PCM1: variants seen among roughly 807,000 people sequenced by gnomAD.
The protein encoded by PCM1 is pericentriolar material 1 protein.
In PCM1, 157 loss-of-function variants were observed where a neutral mutation model predicts 241.9. That is an observed-to-expected ratio of 0.65 (90% CI 0.57 to 0.74). The LOEUF is 0.74. PCM1 is among the 30% of genes least tolerant of loss of function. PCM1 has a pLI of 0.00. For missense variants in PCM1, 3,478 were observed against 2,360.1 expected (o/e 1.47, Z -9.81); for synonymous variants, 1,085 against 784.9 (o/e 1.38, Z -6.39).
At chr8:17,941,461 T>C (rs1466181374) in intron 6 of PCM1, among the ~76,000 whole-genome samples, 2 of 151,922 alleles carry the variant, frequency 1.3e-5, no homozygotes, top group Non-Finnish European at 2.9e-5. Context: ...AGCAACAGTC[T>C]AGTCTACAGA....
rs1257297733 is a variant in PCM1, at chr8:17,972,415, T to A, written c.3671T>A (p.Ile1224Asn). Residue 1224 changes from isoleucine (I) to asparagine (N), a missense_variant, in exon 23 of 39, where the codon ATC becomes AAC. By Grantham distance (149) the Ile-to-Asn change is moderately radical. Coordinates refer to ENST00000325083, the MANE Select transcript of PCM1 (RefSeq NM_006197.4). ...EQEGEVEKPF[I>N]KTGFSVSVEK... The stretch of plus-strand genomic sequence containing the variant: ...GAAGGTGAAGTAGAGAAACCATTTA[T>A]CAAGACTGGATTTTCAGTGTCTGTA... 7 of 1,611,510 alleles carry A rather than the reference T, an allele frequency of 4.3e-6. No individual in the cohort carries two copies.
At chr8:17,983,318 C>T in intron 24 of PCM1, 1 of 1,301,772 alleles carries the variant, frequency 7.7e-7, no homozygotes, top group Non-Finnish European at 1.0e-6. Flanking sequence ...TTGGTGTCCA[C>T]TTTTTGTTAA....
chr8:17,975,422 G>A (rs773972763), intron 23 of PCM1, among the ~76,000 whole-genome samples: 11 of 152,004 alleles, frequency 7.2e-5, no homozygotes, highest in Non-Finnish European at 1.3e-4. Flanking sequence ...ATTGGCCTCC[G>A]GAAGTGGTGG....
At position 17,964,879 on chromosome 8, in the gene PCM1, T is replaced by C; in HGVS notation, c.2855+111T>C. ...GCCAACTGAATGTCCTACAACTCAA[T>C]TCAATTTTTACACTAACTACTCAGA... On this transcript the variant is annotated intron_variant, in intron 18 of 38. Coordinates refer to ENST00000325083, the MANE Select transcript of PCM1 (RefSeq NM_006197.4). 3 of 774,334 alleles carry C rather than the reference T, an allele frequency of 3.9e-6. No individual in the cohort carries two copies. In the South Asian group the frequency reaches 5.1e-5, roughly 13 times the overall value. The allele number at this position is 774,334 out of a possible 1,614,324, so 48.0% of individuals were successfully genotyped here.
Position 18,011,291 on chromosome 8 carries a change from G to A in PCM1, c.5275G>A (p.Gly1759Ser). The change falls in exon 33 of 39, where the codon GGT becomes AGT. Residue 1759 changes from glycine to serine, a missense_variant. Physicochemically the swap from Gly to Ser is moderately conservative, Grantham distance 56 (BLOSUM62 0). Coordinates refer to ENST00000325083, the MANE Select transcript of PCM1 (RefSeq NM_006197.4). ...GACTCAAACATCTGAGGTGTATGAT[G>A]GTCCCAAAAATGTAAGATCTGATAT... is the stretch of plus-strand genomic sequence containing the variant. ...KQTQTSEVYDGPKNVRSDISD... is the reference protein window; with the variant it reads ...KQTQTSEVYDSPKNVRSDISD... 1 of 1,606,984 alleles carries A rather than the reference G, an allele frequency of 6.2e-7. No individual in the cohort carries two copies. The highest frequency in any genetic ancestry group is 8.5e-7 in the Non-Finnish European group (1 of 1,176,620).
intron 31 of PCM1, 29 bp from the exon 32 acceptor site, chr8:18,010,580 A>G (rs1301210728): frequency 7.1e-6 from 11 of 1,543,798 alleles, no homozygotes; most frequent in Non-Finnish European, 8.8e-6. Flanking sequence ...GTATGTTGCT[A>G]AATTCTGTGT....
intron 20 of PCM1, among the ~76,000 whole-genome samples, 152 bp from the exon 21 acceptor site, chr8:17,966,828 A>C (rs922084216): frequency 6.6e-6 from 1 of 152,258 alleles, no homozygotes; most frequent in African/African-American, 2.4e-5. Flanking sequence ...TTATTGAATT[A>C]AGCCTTATAG....
chr8:18,006,069 A>G (rs151229479), intron 29 of PCM1, 194 bp from the exon 30 acceptor site: 145 of 472,382 alleles, frequency 3.1e-4, no homozygotes, highest in African/African-American at 2.4e-3. Context: ...CAAAATTGCC[A>G]AACCTCTCAA....
chr8:17,967,967 G>A (rs1247066841), intron 21 of PCM1, among the ~76,000 whole-genome samples: 3 of 151,798 alleles, frequency 2.0e-5, no homozygotes, highest in Admixed American at 6.6e-5. Context: ...TAGTGAGGAT[G>A]CTGTTAATGA....
intron 34 of PCM1, among the ~76,000 whole-genome samples, chr8:18,013,608 C>G (rs1296833028): frequency 6.6e-6 from 1 of 152,054 alleles, no homozygotes; most frequent in Non-Finnish European, 1.5e-5. Context: ...TTTTTGTTTC[C>G]TCTCCCTGCT....
chr8:18,020,270 A>T (rs1399596696), intron 36 of PCM1, among the ~76,000 whole-genome samples: 10 of 152,222 alleles, frequency 6.6e-5, no homozygotes, highest in Non-Finnish European at 2.9e-5. Flanking sequence ...GTCAGAGCAT[A>T]TCCAAACCAT....
At chr8:18,011,563 T>C (rs1413934744) in intron 33 of PCM1, 104 bp from the exon 34 acceptor site, 6 of 1,135,088 alleles carry the variant, frequency 5.3e-6, no homozygotes, top group Non-Finnish European at 7.3e-6. Flanking sequence ...GGATTTCAGA[T>C]ACTGTATATA....
Position 17,962,193 on chromosome 8 carries a change from T to C in PCM1, c.2463+19T>C. The C allele has an allele frequency of 6.3e-7, 1 of 1,583,568 alleles. No homozygotes were observed. The highest frequency in any genetic ancestry group is 8.6e-7 in the Non-Finnish European group (1 of 1,163,096). On this transcript the variant is annotated intron_variant, in intron 16 of 38. Coordinates refer to ENST00000325083, the MANE Select transcript of PCM1 (RefSeq NM_006197.4). ...TAATGAGGTATTGTAAATTGTACTC[T>C]CTTGTTCCTGAGTTAGTCTTTTGTT... is the stretch of plus-strand genomic sequence containing the variant.
At chr8:17,944,199 G>C (rs541784708) in intron 6 of PCM1, among the ~76,000 whole-genome samples, 2 of 152,198 alleles carry the variant, frequency 1.3e-5, no homozygotes, top group African/African-American at 4.8e-5. Flanking sequence ...TTTTAAACCA[G>C]CTATGGTTCT....
chr8:17,962,321 C>A (rs943454633), intron 16 of PCM1, 147 bp downstream of exon 16: 2 of 427,212 alleles, frequency 4.7e-6, no homozygotes, highest in African/African-American at 4.1e-5. Context: ...TTTTAGTAGA[C>A]ACAAAAATGT....
At chr8:17,945,591 T>A (rs1563775297) in intron 6 of PCM1, among the ~76,000 whole-genome samples, 2 of 152,194 alleles carry the variant, frequency 1.3e-5, no homozygotes, top group Non-Finnish European at 2.9e-5. Context: ...TTTTATGGAT[T>A]TCCAAGTCAC....
intron 1 of PCM1, among the ~76,000 whole-genome samples, chr8:17,924,488 G>A (rs2056095723): frequency 6.6e-6 from 1 of 152,204 alleles, no homozygotes; most frequent in Non-Finnish European, 1.5e-5. Flanking sequence ...TCACTTTGCT[G>A]TTTGGTAAGA....
chr8:17,933,456 A>G (rs1402426837), intron 2 of PCM1, among the ~76,000 whole-genome samples: 1 of 152,186 alleles, frequency 6.6e-6, no homozygotes, highest in Non-Finnish European at 1.5e-5. Flanking sequence ...GTCAAGTTCT[A>G]AGGAGAATCC....
intron 29 of PCM1, 125 bp from the exon 30 acceptor site, chr8:18,006,138 A>G: frequency 1.4e-6 from 1 of 724,040 alleles, no homozygotes; most frequent in Admixed American, 3.1e-5. Flanking sequence ...CTAAACAGAC[A>G]TCTGAAAATT....
Sources: allele counts gnomAD v4.1 joint callset (sites outside exome capture counted in the v4.1 genomes callset), GRCh38; gene constraint gnomAD v4.1.1; transcripts MANE v1.5; gene names NCBI Gene and HGNC (gene_info 2026-07-23, HGNC 2026-07-21).